ROBO1: variants seen among roughly 807,000 people sequenced by gnomAD.
The protein encoded by ROBO1 is roundabout homolog 1.
A neutral mutation model predicts 195.9 loss-of-function variants in ROBO1; 149 were observed. The observed-to-expected ratio is 0.76, with a 90% CI of 0.67 to 0.87. ROBO1 has a LOEUF of 0.87. ROBO1 is among the 40% of genes least tolerant of loss of function. ROBO1 has a pLI of 0.00. For missense variants in ROBO1, 1,933 were observed against 2,068.3 expected (o/e 0.93, Z 1.27); for synonymous variants, 816 against 733.2 (o/e 1.11, Z -1.82).
intron 5 of ROBO1, among the ~76,000 whole-genome samples, chr3:78,732,499 TGAA>T (rs2082307292): frequency 1.3e-5 from 2 of 152,296 alleles, no homozygotes; most frequent in South Asian, 2.1e-4. Flanking sequence ...TACATTTCTA[TGAA>T]GAAGAATGCC....
chr3:79,327,680 T>C (rs532540944), intron 2 of ROBO1, among the ~76,000 whole-genome samples: 76 of 152,238 alleles, frequency 5.0e-4, no homozygotes, highest in Middle Eastern at 3.4e-3. Context: ...GTTTTTTGTG[T>C]GTGTATTTCA....
Position 78,617,647 on chromosome 3 carries a change from G to A in ROBO1, c.4270C>T (p.Gln1424Ter). ...AGLKVARRQM[Q>*]DAAGRRHFHA... The stretch of plus-strand genomic sequence containing the variant: ...TGTTAGGACTCACCAGCAGCATCCT[G>A]CATTTGCCGTCGTGCTACTTTCAGA... Residue 1424 changes from glutamine to a stop codon, truncating the protein, a stop_gained, in exon 27 of 31, where the codon CAG (glutamine) becomes TAG (stop). Transcript: ENST00000464233. LOFTEE classifies it high-confidence loss of function. The A allele has an allele frequency of 6.2e-7, 1 of 1,610,738 alleles. No homozygotes were observed. The highest frequency in any genetic ancestry group is 1.7e-4 in the Middle Eastern group (1 of 6,022).
intron 2 of ROBO1, among the ~76,000 whole-genome samples, chr3:79,538,855 G>A (rs1225515924): frequency 1.3e-5 from 2 of 151,940 alleles, no homozygotes; most frequent in Admixed American, 1.3e-4. Context: ...TTTATTTTTT[G>A]TAATCACTTT....
chr3:79,492,200 G>A (rs951275971), intron 2 of ROBO1, among the ~76,000 whole-genome samples: 10 of 152,112 alleles, frequency 6.6e-5, no homozygotes, highest in South Asian at 2.1e-4. Context: ...CGAGGCAGGC[G>A]GATCACCTCA....
chr3:79,084,208 G>C (rs2079325590), intron 3 of ROBO1, among the ~76,000 whole-genome samples: 1 of 152,118 alleles, frequency 6.6e-6, no homozygotes, highest in Non-Finnish European at 1.5e-5. Flanking sequence ...TCTGTTTAAA[G>C]AGGATAATAA....
chr3:79,051,073 G>A (rs2078687350), intron 3 of ROBO1, among the ~76,000 whole-genome samples: 5 of 152,008 alleles, frequency 3.3e-5, no homozygotes, highest in African/African-American at 1.2e-4. Flanking sequence ...CAGAACTGAA[G>A]GAGATAGAGA....
At chr3:78,771,973 A>T (rs1391684351) in intron 4 of ROBO1, among the ~76,000 whole-genome samples, 6 of 152,154 alleles carry the variant, frequency 3.9e-5, no homozygotes, top group Non-Finnish European at 8.8e-5. Context: ...CAAGGACTAC[A>T]TTGCAAGGGA....
At chr3:79,467,555 G>C (rs1938031562) in intron 2 of ROBO1, among the ~76,000 whole-genome samples, 2 of 152,042 alleles carry the variant, frequency 1.3e-5, no homozygotes, top group South Asian at 4.1e-4. Context: ...GATGGTTGGA[G>C]AGGAGATTGG....
chr3:78,606,962 A>T lies in ROBO1; in HGVS notation c.4515T>A (p.Pro1505=). The change falls in exon 29 of 31, where the codon CCT becomes CCA. Residue 1505 remains proline, a synonymous_variant. Transcript: ENST00000464233. ...TAGAAGGGAGTTTTGGCACCACTACAGGTCGTACTTCCAGCTGTGTCTTGG... is the reference window on the plus strand; with the variant it reads ...TAGAAGGGAGTTTTGGCACCACTACTGGTCGTACTTCCAGCTGTGTCTTGG... ...AQSKTQLEVR[P]VVVPKLPSMD... is the part of the protein sequence containing the mutation. 6.2e-7 allele frequency: 1 copy of T among 1,613,884 alleles called. No individual in the cohort carries two copies.
Position 79,194,920 on chromosome 3 carries a change from G to T in ROBO1, c.89-69381C>A, listed in dbSNP as rs539223673. 2.6e-5 allele frequency among the ~76,000 whole-genome samples: 4 copies of T among 151,734 alleles called. No individual in the cohort carries two copies. The South Asian group carries it at 6.2e-4, about 24-fold the overall frequency. On this transcript the variant is annotated intron_variant, in intron 2 of 30. Transcript: ENST00000464233. ...TAATATGCTGAGTTATGAATAACAAGTAGGTTTGATATTTCTACTTATAAA... is the reference window on the plus strand; with the variant it reads ...TAATATGCTGAGTTATGAATAACAATTAGGTTTGATATTTCTACTTATAAA...
chr3:79,372,422 G>A (rs1388007775), intron 2 of ROBO1, among the ~76,000 whole-genome samples: 3 of 151,956 alleles, frequency 2.0e-5, no homozygotes, highest in Admixed American at 6.6e-5. Context: ...TGTTGACCAG[G>A]ATAGTCTCAA....
chr3:78,989,337 G>A (rs1376542761), intron 3 of ROBO1, among the ~76,000 whole-genome samples: 1 of 152,204 alleles, frequency 6.6e-6, no homozygotes, highest in African/African-American at 2.4e-5. Flanking sequence ...TTTAAGGTCA[G>A]GCACGGGGGC....
intron 14 of ROBO1, among the ~76,000 whole-genome samples, chr3:78,663,866 T>C (rs762219096): frequency 6.6e-6 from 1 of 152,194 alleles, no homozygotes. Context: ...ACTTCCCTCA[T>C]ACGTAAGCTC....
chr3:78,696,888 G>C (rs2081309781), intron 8 of ROBO1, among the ~76,000 whole-genome samples: 1 of 151,642 alleles, frequency 6.6e-6, no homozygotes, highest in African/African-American at 2.4e-5. Context: ...ATTTATTTTT[G>C]CAATTAAAAA....
chr3:79,195,044 C>T (rs2081609575), intron 2 of ROBO1, among the ~76,000 whole-genome samples: 1 of 151,538 alleles, frequency 6.6e-6, no homozygotes, highest in Non-Finnish European at 1.5e-5. Context: ...AACAGTTTTT[C>T]TAAGTTTTAT....
intron 4 of ROBO1, among the ~76,000 whole-genome samples, chr3:78,931,635 C>A (rs557559238): frequency 2.9e-4 from 44 of 152,210 alleles, no homozygotes; most frequent in Non-Finnish European, 5.4e-4. Context: ...TTTATTCTAA[C>A]CTGACAAATC....
chr3:78,922,450 A>C (rs2038988135), intron 4 of ROBO1, among the ~76,000 whole-genome samples: 1 of 152,082 alleles, frequency 6.6e-6, no homozygotes, highest in Non-Finnish European at 1.5e-5. Flanking sequence ...GAAAAGCATA[A>C]TTTCAAAGAA....
At chr3:79,121,099 A>C (rs768717986) in intron 3 of ROBO1, among the ~76,000 whole-genome samples, 3 of 152,114 alleles carry the variant, frequency 2.0e-5, no homozygotes, top group Admixed American at 6.6e-5. Flanking sequence ...CCCTGTCTCT[A>C]TTAATAATAG....
At chr3:79,647,855 A>G (rs748860076) in intron 1 of ROBO1, among the ~76,000 whole-genome samples, 75 of 152,192 alleles carry the variant, frequency 4.9e-4, no homozygotes, top group Non-Finnish European at 8.1e-4. Flanking sequence ...CCCGTAAGAT[A>G]TATCAGTTCT....
Sources: gnomAD v4.1 joint callset for allele counts (sites outside exome capture counted in the v4.1 genomes callset) on GRCh38, gnomAD v4.1.1 for gene constraint, MANE v1.5 for transcripts, NCBI Gene and HGNC (gene_info 2026-07-23, HGNC 2026-07-21) for gene names.